The following ARHGAP18 variants were observed in gnomAD, a reference collection of about 807,000 sequenced individuals.
ARHGAP18 encodes the protein rho GTPase-activating protein 18.
In ARHGAP18, 67 loss-of-function variants were observed where a neutral mutation model predicts 86.2. The ratio of observed to expected loss-of-function variants is 0.78; its 90% CI spans 0.64 to 0.95. The LOEUF is 0.95. Among genes scored for constraint, ARHGAP18 ranks in the 40% least tolerant of loss-of-function variants. The pLI is 0.00. For synonymous variants in ARHGAP18, 283 were observed against 280.4 expected (o/e 1.01, Z -0.09); for missense variants, 691 against 780.4 (o/e 0.89, Z 1.37).
chr6:129,634,127 T>G (rs768828625), intron 3 of ARHGAP18, 22 bp from the exon 4 acceptor site: 1 of 1,609,284 alleles, frequency 6.2e-7, no homozygotes, highest in South Asian at 1.1e-5. Context: ...AAACAGGCCA[T>G]TTAGTCATCT....
chr6:129,580,246 T>G (rs530325348), intron 13 of ARHGAP18, 115 bp from the exon 14 acceptor site: 39 of 817,340 alleles, frequency 4.8e-5, no homozygotes, highest in Admixed American at 3.2e-4. Context: ...TTAGACACAC[T>G]GTAATTATCT....
At chr6:129,654,527 C>T (rs568016287) in intron 1 of ARHGAP18, among the ~76,000 whole-genome samples, 4 of 152,158 alleles carry the variant, frequency 2.6e-5, no homozygotes, top group African/African-American at 9.7e-5. Flanking sequence ...TCCCACTTAA[C>T]CAAAAGCAAT....
intron 1 of ARHGAP18, among the ~76,000 whole-genome samples, chr6:129,707,335 G>T (rs1774817577): frequency 1.3e-5 from 2 of 152,074 alleles, no homozygotes; most frequent in African/African-American, 4.8e-5. Context: ...CTAAATATTG[G>T]ATTAAATATT....
intron 1 of ARHGAP18, among the ~76,000 whole-genome samples, chr6:129,708,771 G>A (rs1223217355): frequency 6.6e-6 from 1 of 152,206 alleles, no homozygotes; most frequent in African/African-American, 2.4e-5. Flanking sequence ...ACTGCTTAAT[G>A]ATTACTAATA....
At chr6:129,651,531 T>C (rs1773710080) in intron 1 of ARHGAP18, among the ~76,000 whole-genome samples, 1 of 152,150 alleles carries the variant, frequency 6.6e-6, no homozygotes, top group East Asian at 1.9e-4. Flanking sequence ...GTGAGGTAGA[T>C]GACAAAAGAC....
chr6:129,679,023 G>GT (rs1401848820), intron 1 of ARHGAP18, among the ~76,000 whole-genome samples: 1 of 152,104 alleles, frequency 6.6e-6, no homozygotes, highest in Non-Finnish European at 1.5e-5. Context: ...ATTTTTTAAT[G>GT]TTTTTAAAAG....
intron 5 of ARHGAP18, among the ~76,000 whole-genome samples, chr6:129,626,549 A>G (rs946926544): frequency 2.0e-5 from 3 of 151,968 alleles, no homozygotes; most frequent in Admixed American, 6.6e-5. Flanking sequence ...AAGCAAATTA[A>G]CCAAACCAGG....
At chr6:129,615,820 G>A (rs1789086289) in intron 7 of ARHGAP18, among the ~76,000 whole-genome samples, 2 of 152,048 alleles carry the variant, frequency 1.3e-5, no homozygotes, top group African/African-American at 4.8e-5. Context: ...AATAGGCACT[G>A]GTAAATTAAA....
At chr6:129,696,499 A>G (rs1774619260) in intron 1 of ARHGAP18, among the ~76,000 whole-genome samples, 1 of 152,240 alleles carries the variant, frequency 6.6e-6, no homozygotes, top group Non-Finnish European at 1.5e-5. Flanking sequence ...GGAAAAAAAG[A>G]CTGTATAATA....
chr6:129,639,030 G>A (rs1298721688), intron 2 of ARHGAP18, among the ~76,000 whole-genome samples: 1 of 152,172 alleles, frequency 6.6e-6, no homozygotes, highest in Non-Finnish European at 1.5e-5. Flanking sequence ...CTACCTCAGA[G>A]TCCAACACTA....
chr6:129,657,974 G>T (rs1773874114), intron 1 of ARHGAP18, among the ~76,000 whole-genome samples: 1 of 152,130 alleles, frequency 6.6e-6, no homozygotes, highest in Non-Finnish European at 1.5e-5. Flanking sequence ...ATTCCCACCT[G>T]AAGTGTTGTC....
At chr6:129,606,499 A>G (rs1238205323) in intron 9 of ARHGAP18, among the ~76,000 whole-genome samples, 1 of 150,652 alleles carries the variant, frequency 6.6e-6, no homozygotes, top group Non-Finnish European at 1.5e-5. Context: ...CATTATTATC[A>G]TTGATGTTAT....
intron 5 of ARHGAP18, among the ~76,000 whole-genome samples, chr6:129,625,792 AT>A (rs1224416606): frequency 1.7e-5 from 1 of 60,530 alleles, no homozygotes; most frequent in Non-Finnish European, 2.9e-5. Flanking sequence ...TATAATATAT[AT>A]TTTTATATTA....
At chr6:129,610,282 G>A (rs1363270545) in intron 8 of ARHGAP18, among the ~76,000 whole-genome samples, 1 of 152,226 alleles carries the variant, frequency 6.6e-6, no homozygotes, top group East Asian at 1.9e-4. Context: ...TGCATCCCCT[G>A]TAGGGTAATT....
At chr6:129,607,716 T>C (rs1012828931) in intron 9 of ARHGAP18, among the ~76,000 whole-genome samples, 177 bp downstream of exon 9, 1 of 152,212 alleles carries the variant, frequency 6.6e-6, no homozygotes, top group Non-Finnish European at 1.5e-5. Context: ...CAGGAATGCA[T>C]ATTTATAAGA....
intron 6 of ARHGAP18, among the ~76,000 whole-genome samples, 155 bp downstream of exon 6, chr6:129,618,532 T>C (rs140560833): frequency 6.6e-5 from 10 of 152,356 alleles, no homozygotes; most frequent in Non-Finnish European, 1.3e-4. Flanking sequence ...TATAAAACTT[T>C]TGAAGGCAAC....
chr6:129,613,897 C>G (rs1017125354), intron 7 of ARHGAP18, among the ~76,000 whole-genome samples: 3 of 151,924 alleles, frequency 2.0e-5, no homozygotes. Flanking sequence ...TAGCATTTCT[C>G]AAAATATATA....
At chr6:129,661,781 T>C (rs1773957711) in intron 1 of ARHGAP18, 1 of 673,996 alleles carries the variant, frequency 1.5e-6, no homozygotes, top group Non-Finnish European at 1.8e-6. Context: ...ACAAATAACG[T>C]GCAGGGTATC....
At chr6:129,625,136 T>TATATGATATATG (rs1194611528) in intron 5 of ARHGAP18, among the ~76,000 whole-genome samples, 1 of 5,796 alleles carries the variant, frequency 1.7e-4, no homozygotes, top group African/African-American at 7.7e-4. Flanking sequence ...TTATATATGA[T>TATATGATATATG]ATATATTATA....
Sources: allele counts gnomAD v4.1 joint callset (sites outside exome capture counted in the v4.1 genomes callset), GRCh38; gene constraint gnomAD v4.1.1; transcripts MANE v1.5; gene names NCBI Gene and HGNC (gene_info 2026-07-23, HGNC 2026-07-21).